Variants in CNTN5 observed in about 807,000 individuals in gnomAD.
The protein encoded by CNTN5 is contactin-5.
CNTN5 carries 77 observed loss-of-function variants against 129.1 expected under a neutral mutation model. The observed-to-expected ratio is 0.60, with a 90% CI of 0.50 to 0.72. The LOEUF is 0.72. Among genes scored for constraint, CNTN5 ranks in the 30% least tolerant of loss-of-function variants. The pLI, the probability that CNTN5 is intolerant of heterozygous loss-of-function variation, is 0.00. For synonymous variants in CNTN5, 509 were observed against 465.6 expected (o/e 1.09, Z -1.20); for missense variants, 1,478 against 1,328.8 (o/e 1.11, Z -1.75).
chr11:99,251,881 G>C (rs1417063923), intron 1 of CNTN5, among the ~76,000 whole-genome samples: 2 of 151,912 alleles, frequency 1.3e-5, no homozygotes, highest in East Asian at 3.9e-4. Context: ...CAGTGAGAGA[G>C]ATAAATATGA....
chr11:99,562,542 G>A (rs1790270), intron 3 of CNTN5, among the ~76,000 whole-genome samples: 148,046 of 152,234 alleles, frequency 0.97, 72,122 homozygotes, highest in East Asian at 1. Flanking sequence ...ATACTACCAT[G>A]AGATGTTAAT....
chr11:100,272,986 C>T (rs950204176), intron 18 of CNTN5, among the ~76,000 whole-genome samples: 12 of 152,230 alleles, frequency 7.9e-5, no homozygotes, highest in Non-Finnish European at 1.5e-4. Flanking sequence ...CCCCTAGGTT[C>T]GATTTGCTCC....
chr11:99,275,937 T>C (rs553810862), intron 1 of CNTN5, among the ~76,000 whole-genome samples: 20 of 151,680 alleles, frequency 1.3e-4, no homozygotes, highest in Non-Finnish European at 2.1e-4. Context: ...AGAGAAATAA[T>C]TGAAGCCATA....
intron 1 of CNTN5, among the ~76,000 whole-genome samples, chr11:99,069,050 T>A (rs749972483): frequency 1.3e-5 from 2 of 152,006 alleles, no homozygotes; most frequent in Non-Finnish European, 2.9e-5. Context: ...CTTACCCTAA[T>A]TTGAAAGCAA....
At chr11:99,845,061 T>C in intron 5 of CNTN5, 26 bp from the exon 6 acceptor site, 1 of 1,612,290 alleles carries the variant, frequency 6.2e-7, no homozygotes, top group Non-Finnish European at 8.5e-7. Context: ...GGATTATACA[T>C]ATTTGTCTTC....
intron 3 of CNTN5, among the ~76,000 whole-genome samples, chr11:99,644,021 AT>A (rs36097539): frequency 0.29 from 43,894 of 152,042 alleles, 6,650 homozygotes; most frequent in Admixed American, 0.42. Flanking sequence ...CCCTTAAAAT[AT>A]TTTGAATTAA....
intron 6 of CNTN5, among the ~76,000 whole-genome samples, chr11:99,880,831 TA>T (rs2135856320): frequency 6.6e-6 from 1 of 152,304 alleles, no homozygotes; most frequent in East Asian, 1.9e-4. Flanking sequence ...TTGGAGATAG[TA>T]AAAACTCACC....
chr11:99,766,987 C>G (rs1433315470), intron 3 of CNTN5, among the ~76,000 whole-genome samples: 10 of 152,058 alleles, frequency 6.6e-5, no homozygotes, highest in African/African-American at 2.4e-4. Context: ...GCCTGACATC[C>G]TTTCTGTGGC....
intron 18 of CNTN5, among the ~76,000 whole-genome samples, chr11:100,283,716 T>TG (rs1278049107): frequency 1.3e-5 from 2 of 151,886 alleles, no homozygotes; most frequent in Non-Finnish European, 2.9e-5. Context: ...GAGGCCGAGG[T>TG]GGGTGAATAA....
intron 3 of CNTN5, among the ~76,000 whole-genome samples, chr11:99,733,341 C>G (rs746233318): frequency 6.9e-6 from 1 of 145,694 alleles, no homozygotes; most frequent in African/African-American, 2.6e-5. Context: ...AAAAAAAAGC[C>G]TTAATGTGGC....
At chr11:99,666,449 T>C (rs1332038322) in intron 3 of CNTN5, among the ~76,000 whole-genome samples, 8 of 152,156 alleles carry the variant, frequency 5.3e-5, no homozygotes. Context: ...GATCCTGAGC[T>C]GTACATTGCT....
intron 3 of CNTN5, among the ~76,000 whole-genome samples, chr11:99,772,803 G>C (rs148672268): frequency 0.025 from 3,732 of 152,110 alleles, 84 homozygotes; most frequent in Non-Finnish European, 0.03. Flanking sequence ...GAAAAGGGCA[G>C]TACTTCCAGT....
At chr11:99,657,794 C>T (rs550167454) in intron 3 of CNTN5, among the ~76,000 whole-genome samples, 1 of 152,040 alleles carries the variant, frequency 6.6e-6, no homozygotes, top group Admixed American at 6.6e-5. Context: ...AGCAGGAGAA[C>T]ATAAAAAATT....
chr11:99,093,619 T>G (rs1866345470), intron 1 of CNTN5, among the ~76,000 whole-genome samples: 1 of 151,982 alleles, frequency 6.6e-6, no homozygotes, highest in Admixed American at 6.6e-5. Flanking sequence ...GTCCACAAAG[T>G]TGATGAATGT....
intron 2 of CNTN5, among the ~76,000 whole-genome samples, chr11:99,340,496 T>C (rs1866462143): frequency 6.6e-6 from 1 of 151,988 alleles, no homozygotes. Flanking sequence ...TGAAGAATGG[T>C]GATGTAGATT....
chr11:99,652,001 A>G (rs1565390804), intron 3 of CNTN5, among the ~76,000 whole-genome samples: 1 of 152,060 alleles, frequency 6.6e-6, no homozygotes. Context: ...CAAACACCAC[A>G]AATGCATTAT....
chr11:99,995,516 C>G (rs966074453), intron 8 of CNTN5, among the ~76,000 whole-genome samples: 1 of 151,880 alleles, frequency 6.6e-6, no homozygotes, highest in African/African-American at 2.4e-5. Flanking sequence ...CTTTTTTTCC[C>G]TTTGCATGTC....
At chr11:99,943,209 CT>C (rs1416320762) in intron 7 of CNTN5, among the ~76,000 whole-genome samples, 3 of 152,090 alleles carry the variant, frequency 2.0e-5, no homozygotes, top group Admixed American at 6.6e-5. Flanking sequence ...TGCTTCCTGA[CT>C]TTTTAATGAT....
rs1943799823 is a variant in CNTN5 at position 99,738,879 on chromosome 11, G to A, written c.56-80665G>A. Among the ~76,000 whole-genome samples, 5 of 152,242 alleles carry A rather than the reference G, an allele frequency of 3.3e-5. No homozygotes were observed. In the South Asian group the frequency reaches 1.0e-3, roughly 32 times the overall value. On this transcript the variant is annotated intron_variant, in intron 3 of 24. Coordinates refer to ENST00000524871, the MANE Select transcript of CNTN5 (RefSeq NM_014361.4). ...GTCAAAAGTTTTTTTCTATTGTCAT[G>A]AAGCAAAATATTAGAATCACCTCTA...
Sources: allele counts gnomAD v4.1 joint callset (sites outside exome capture counted in the v4.1 genomes callset), GRCh38; gene constraint gnomAD v4.1.1; transcripts MANE v1.5; gene names NCBI Gene and HGNC (gene_info 2026-07-23, HGNC 2026-07-21).